The following NUP35 variants were observed in gnomAD, a reference collection of about 807,000 sequenced individuals.
NUP35 encodes the protein nucleoporin 35.
NUP35 carries 25 observed loss-of-function variants against 41.5 expected under a neutral mutation model. The observed-to-expected ratio is 0.60, with a 90% CI of 0.44 to 0.84. The LOEUF is 0.84. Among genes scored for constraint, NUP35 ranks in the 40% least tolerant of loss-of-function variants. The pLI is 0.00. For missense variants in NUP35, 396 were observed against 396.6 expected, an observed-to-expected ratio of 1.00 and a Z score of 0.01; for synonymous variants, 149 against 130.7, an observed-to-expected ratio of 1.14 and a Z score of -0.96.
rs529733786 is a variant in NUP35, at chr2:183,130,593, A to C, written c.339+48A>C. 3.2e-6 allele frequency: 5 copies of C among 1,585,982 alleles called. No individual in the cohort carries two copies. In the South Asian group the frequency reaches 5.6e-5, roughly 18 times the overall value. On this transcript the variant is annotated intron_variant, in intron 3 of 8. Transcript: ENST00000295119. ...CCCCAATGAACAACATCATGGTTTT[A>C]TGTGTCTGTTCAGTGAGAGTCAATA...
At chr2:183,155,611 A>G (rs1685633982) in intron 5 of NUP35, among the ~76,000 whole-genome samples, 2 of 124,950 alleles carry the variant, frequency 1.6e-5, no homozygotes, top group East Asian at 2.4e-4. Context: ...TCTCTCTGTT[A>G]TCTAGGCTGG....
At chr2:183,117,994 C>T (rs1417919683) in intron 1 of NUP35, among the ~76,000 whole-genome samples, 4 of 152,236 alleles carry the variant, frequency 2.6e-5, no homozygotes, top group South Asian at 2.1e-4. Context: ...CCTGGAGTTG[C>T]GATACTTGGC....
At chr2:183,121,286 A>G (rs80005318), upstream of NUP35, among the ~76,000 whole-genome samples, 1 of 152,152 alleles carries the variant, frequency 6.6e-6, no homozygotes. Flanking sequence ...ATTAAAAATC[A>G]AAATAGTAAA....
At chr2:183,130,167 G>T (rs1157347420) in intron 2 of NUP35, among the ~76,000 whole-genome samples, 3 of 152,140 alleles carry the variant, frequency 2.0e-5, no homozygotes, top group Non-Finnish European at 4.4e-5. Context: ...TTTATTCAGA[G>T]TGCAGTCTAT....
At chr2:183,133,501 C>G (rs1199337285) in intron 3 of NUP35, 65 bp from the exon 4 acceptor site, 5 of 1,275,934 alleles carry the variant, frequency 3.9e-6, no homozygotes, top group African/African-American at 3.0e-5. Context: ...TTGAATGAAG[C>G]CTTTTAACAC....
At chr2:183,149,403 A>C (rs1685387912) in intron 4 of NUP35, among the ~76,000 whole-genome samples, 2 of 152,086 alleles carry the variant, frequency 1.3e-5, no homozygotes, top group African/African-American at 4.8e-5. Context: ...TTCTAAAGAA[A>C]AAAAGATTTG....
At chr2:183,129,249 T>C (rs1467693266) in intron 2 of NUP35, among the ~76,000 whole-genome samples, 1 of 152,178 alleles carries the variant, frequency 6.6e-6, no homozygotes, top group Admixed American at 6.5e-5. Context: ...GAATTTGTGA[T>C]TGTCAGGGCA....
intron 5 of NUP35, among the ~76,000 whole-genome samples, chr2:183,155,354 T>G (rs551152197): frequency 6.6e-6 from 1 of 152,342 alleles, no homozygotes; most frequent in African/African-American, 2.4e-5. Context: ...TGTCCCAAGC[T>G]AGTTTTCCTC....
chr2:183,122,863 C>T (rs1053333443), upstream of NUP35, among the ~76,000 whole-genome samples: 3 of 149,488 alleles, frequency 2.0e-5, no homozygotes, highest in Non-Finnish European at 1.5e-5. Context: ...GATATCCATA[C>T]ACTAAGCTTT....
At chr2:183,159,298 T>G (rs7355427) in intron 7 of NUP35, among the ~76,000 whole-genome samples, 190 bp from the exon 8 acceptor site, 135,973 of 152,162 alleles carry the variant, frequency 0.89, 60,978 homozygotes, top group East Asian at 0.99. Flanking sequence ...GAGATTTCTG[T>G]CTGAGCATTC....
Position 183,136,838 on chromosome 2 carries a change from C to G in NUP35, c.397+3215C>G, listed in dbSNP as rs368696059. The stretch of plus-strand genomic sequence containing the variant: ...GGCGCAGTGGTTCATGCCAGTAATC[C>G]CAGCACTTTAGGAGGCTGAGGAGTG... On this transcript the variant is annotated intron_variant, in intron 4 of 8. Coordinates refer to ENST00000295119, the MANE Select transcript of NUP35 (RefSeq NM_138285.5). 1.1e-4 allele frequency among the ~76,000 whole-genome samples: 16 copies of G among 151,844 alleles called. No individual in the cohort carries two copies. The East Asian group carries it at 2.9e-3, about 28-fold the overall frequency.
intron 4 of NUP35, 31 bp from the exon 5 acceptor site, chr2:183,151,477 G>C: frequency 6.2e-7 from 1 of 1,603,122 alleles, no homozygotes; most frequent in Non-Finnish European, 8.5e-7. Context: ...TGTTTACACT[G>C]GCAACTAACT....
intron 4 of NUP35, among the ~76,000 whole-genome samples, chr2:183,140,787 C>A (rs1479469621): frequency 6.8e-6 from 1 of 146,052 alleles, no homozygotes; most frequent in Non-Finnish European, 1.5e-5. Flanking sequence ...CGCACCACTG[C>A]ACTCCAGCCT....
At chr2:183,121,216 A>T (rs1700062019), upstream of NUP35, among the ~76,000 whole-genome samples, 1 of 152,194 alleles carries the variant, frequency 6.6e-6, no homozygotes, top group South Asian at 2.1e-4. Flanking sequence ...GAAAAAAAAA[A>T]TAGTTGGGGT....
Position 183,128,345 on chromosome 2 carries a change from G to C in NUP35, c.99G>C (p.Gln33His). ...CTCCAAAGCCAGGAGTTAATGCCCA[G>C]TTCTTACCTGGATTTTTAATGGGGG... ...PTSPKPGVNA[Q>H]FLPGFLMGDL... is the part of the protein sequence containing the mutation. The change falls in exon 2 of 9, where the codon CAG becomes CAC. Residue 33 changes from glutamine (Q) to histidine (H), a missense_variant. Transcript: ENST00000295119. 1 of 1,613,954 alleles carries C rather than the reference G, an allele frequency of 6.2e-7. No individual in the cohort carries two copies. The highest frequency in any genetic ancestry group is 8.5e-7 in the Non-Finnish European group (1 of 1,179,894).
At chr2:183,145,952 TCTG>T (rs1440075946) in intron 4 of NUP35, among the ~76,000 whole-genome samples, 1 of 152,206 alleles carries the variant, frequency 6.6e-6, no homozygotes, top group African/African-American at 2.4e-5. Context: ...ATTTCAAAAA[TCTG>T]CTGTGCATGG....
At chr2:183,120,960 G>A (rs1425486323), upstream of NUP35, among the ~76,000 whole-genome samples, 1 of 152,158 alleles carries the variant, frequency 6.6e-6, no homozygotes, top group Non-Finnish European at 1.5e-5. Flanking sequence ...CAATGATAAG[G>A]ATTCCAAGGG....
At chr2:183,142,112 G>A (rs190268472) in intron 4 of NUP35, among the ~76,000 whole-genome samples, 7 of 152,112 alleles carry the variant, frequency 4.6e-5, no homozygotes, top group South Asian at 2.1e-4. Context: ...TGATTCCTGA[G>A]TATTTTTACG....
upstream of NUP35, chr2:183,123,761 G>C: frequency 1.0e-6 from 1 of 984,912 alleles, no homozygotes; most frequent in Middle Eastern, 5.2e-4. Flanking sequence ...CAAAGTGAGG[G>C]GACGTGGACG....
Sources: allele counts gnomAD v4.1 joint callset (sites outside exome capture counted in the v4.1 genomes callset), GRCh38; gene constraint gnomAD v4.1.1; transcripts MANE v1.5; gene names NCBI Gene and HGNC (gene_info 2026-07-23, HGNC 2026-07-21).